The following AEBP2 variants were observed in gnomAD, a reference collection of about 807,000 sequenced individuals.
The protein encoded by AEBP2 is AE binding protein 2.
AEBP2 carries 10 observed loss-of-function variants against 50.8 expected under a neutral mutation model. The observed-to-expected ratio is 0.20, with a 90% CI of 0.12 to 0.33. The LOEUF (loss-of-function observed/expected upper bound fraction) is 0.33, where lower values mean the gene tolerates loss of function less well. Ranked by LOEUF, AEBP2 falls within the 10% of genes least tolerant of loss-of-function variation. The pLI is 1.00. For synonymous variants in AEBP2, 296 were observed against 261.3 expected (o/e 1.13, Z -1.28); for missense variants, 570 against 688.0 (o/e 0.83, Z 1.92).
chr12:19,463,163 A>G (rs1261842795), intron 2 of AEBP2, among the ~76,000 whole-genome samples: 1 of 152,148 alleles, frequency 6.6e-6, no homozygotes, highest in Non-Finnish European at 1.5e-5. Context: ...TGAACTCATT[A>G]TTTGTGAGTG....
At chr12:19,432,863 T>A (rs563120199) in intron 1 of AEBP2, among the ~76,000 whole-genome samples, 188 of 152,230 alleles carry the variant, frequency 1.2e-3, no homozygotes, top group Non-Finnish European at 2.1e-3. Flanking sequence ...ACTACCTTAG[T>A]AGGCTTGGTA....
At chr12:19,474,482 C>T (rs1410892512) in intron 3 of AEBP2, among the ~76,000 whole-genome samples, 1 of 152,032 alleles carries the variant, frequency 6.6e-6, no homozygotes, top group Non-Finnish European at 1.5e-5. Flanking sequence ...TCTCTTTTTC[C>T]TGTTTCCCCC....
At chr12:19,411,051 CAAA>C (rs140861165) in intron 1 of AEBP2, among the ~76,000 whole-genome samples, 5 of 148,214 alleles carry the variant, frequency 3.4e-5, no homozygotes, top group African/African-American at 1.2e-4. Context: ...GCGGTCACGG[CAAA>C]AAAAAACATT....
intron 5 of AEBP2, among the ~76,000 whole-genome samples, chr12:19,503,791 C>A (rs1230674541): frequency 6.6e-6 from 1 of 151,564 alleles, no homozygotes; most frequent in African/African-American, 2.4e-5. Flanking sequence ...CCCAAAGTGT[C>A]GAGATTACAG....
intron 5 of AEBP2, among the ~76,000 whole-genome samples, chr12:19,511,488 G>C (rs1208351570): frequency 1.3e-5 from 2 of 152,222 alleles, no homozygotes; most frequent in African/African-American, 4.8e-5. Flanking sequence ...TACTAAGAGT[G>C]ACCCTTTCCT....
At chr12:19,495,057 C>T (rs1948953159) in intron 4 of AEBP2, among the ~76,000 whole-genome samples, 1 of 152,124 alleles carries the variant, frequency 6.6e-6, no homozygotes, top group Non-Finnish European at 1.5e-5. Flanking sequence ...AGGCACCCGC[C>T]ACCACGACTG....
intron 6 of AEBP2, among the ~76,000 whole-genome samples, chr12:19,513,892 ATT>A (rs34664301): frequency 0.14 from 13,571 of 100,120 alleles, 1,820 homozygotes; most frequent in African/African-American, 0.38. Flanking sequence ...GGCCGCATGC[ATT>A]TTTTTTTTTT....
intron 1 of AEBP2, among the ~76,000 whole-genome samples, chr12:19,424,449 T>A (rs1275414397): frequency 2.6e-5 from 4 of 151,714 alleles, no homozygotes; most frequent in Non-Finnish European, 5.9e-5. Context: ...CAGGCTGGAG[T>A]GCAGTGGCGC....
intron 1 of AEBP2, among the ~76,000 whole-genome samples, chr12:19,426,761 G>A (rs544235139): frequency 1.1e-4 from 16 of 151,266 alleles, no homozygotes; most frequent in Admixed American, 4.6e-4. Flanking sequence ...AAAATTAGCC[G>A]GCTGTGGTGT....
intron 3 of AEBP2, among the ~76,000 whole-genome samples, chr12:19,492,017 T>C (rs182725001): frequency 2.6e-5 from 4 of 152,296 alleles, no homozygotes; most frequent in Non-Finnish European, 5.9e-5. Flanking sequence ...GGTACCTCGA[T>C]TGAAGGAAAG....
intron 1 of AEBP2, chr12:19,440,761 G>T: frequency 6.5e-7 from 1 of 1,533,542 alleles, no homozygotes; most frequent in Non-Finnish European, 8.7e-7. Flanking sequence ...GGGAACACTT[G>T]TCAGAACTAC....
intron 3 of AEBP2, among the ~76,000 whole-genome samples, chr12:19,489,964 AC>A (rs1308682463): frequency 4.5e-5 from 6 of 132,912 alleles, no homozygotes; most frequent in African/African-American, 1.7e-4. Flanking sequence ...ATTTCTAGAG[AC>A]TGAATCATTG....
chr12:19,466,328 C>T (rs991646274), intron 2 of AEBP2, among the ~76,000 whole-genome samples: 36 of 152,082 alleles, frequency 2.4e-4, no homozygotes, highest in African/African-American at 8.0e-4. Flanking sequence ...TAGTGGCACA[C>T]GCCTGTGGTC....
chr12:19,470,157 CT>C (rs2153371709), intron 2 of AEBP2, among the ~76,000 whole-genome samples: 1 of 143,036 alleles, frequency 7.0e-6, no homozygotes, highest in Admixed American at 6.8e-5. Context: ...GTGGATCTTT[CT>C]TTTTTCTTTT....
intron 1 of AEBP2, among the ~76,000 whole-genome samples, chr12:19,427,377 C>CAAAA (rs58310486): frequency 2.9e-5 from 2 of 69,962 alleles, no homozygotes; most frequent in African/African-American, 5.1e-5. Context: ...GAGTCTGTCT[C>CAAAA]AAAAAAAAAA....
At chr12:19,513,501 T>C (rs1411946640) in intron 6 of AEBP2, among the ~76,000 whole-genome samples, 1 of 152,208 alleles carries the variant, frequency 6.6e-6, no homozygotes, top group Non-Finnish European at 1.5e-5. Flanking sequence ...TTTATGCTGG[T>C]AATCCCAGTG....
intron 1 of AEBP2, among the ~76,000 whole-genome samples, chr12:19,453,538 C>T (rs1239209995): frequency 6.6e-6 from 1 of 152,086 alleles, no homozygotes; most frequent in Non-Finnish European, 1.5e-5. Flanking sequence ...ATTCTCCTGC[C>T]TCAGCCTCCT....
At chr12:19,447,537 C>T (rs112054474) in intron 1 of AEBP2, among the ~76,000 whole-genome samples, 10 of 152,308 alleles carry the variant, frequency 6.6e-5, no homozygotes, top group African/African-American at 2.4e-4. Context: ...ACAACCGTCA[C>T]TAGAATAACT....
At chr12:19,473,665 C>T (rs1186953347) in intron 3 of AEBP2, among the ~76,000 whole-genome samples, 1 of 152,186 alleles carries the variant, frequency 6.6e-6, no homozygotes, top group Non-Finnish European at 1.5e-5. Context: ...CTTGGCCACC[C>T]AAAGTGCTGG....
Sources: allele counts gnomAD v4.1 joint callset (sites outside exome capture counted in the v4.1 genomes callset), GRCh38; gene constraint gnomAD v4.1.1; transcripts MANE v1.5; gene names NCBI Gene and HGNC (gene_info 2026-07-23, HGNC 2026-07-21).